The following PRKCQ variants were observed in gnomAD, a reference collection of about 807,000 sequenced individuals.
The protein encoded by PRKCQ is protein kinase C theta.
Under a neutral mutation model 91.2 loss-of-function variants are expected in PRKCQ, and 41 were observed. That is an observed-to-expected ratio of 0.45 (90% CI 0.35 to 0.58). The LOEUF is 0.58. Ranked by LOEUF, PRKCQ falls within the 20% of genes least tolerant of loss-of-function variation. The pLI, the probability that PRKCQ is intolerant of heterozygous loss-of-function variation, is 0.00. For synonymous variants in PRKCQ, 307 were observed against 316.9 expected, an observed-to-expected ratio of 0.97 and a Z score of 0.33; for missense variants, 673 against 896.5, an observed-to-expected ratio of 0.75 and a Z score of 3.18.
At chr10:6,404,255 G>GGAGGGAGAGAGAGA in the PRKCQ span, among the ~76,000 whole-genome samples, 2 of 34,360 alleles carry the variant, frequency 5.8e-5, no homozygotes, top group Non-Finnish European at 1.2e-4. Flanking sequence ...GAAGGGGGGG[G>GGAGGGAGAGAGAGA]GAGAGAGAGA....
chr10:6,436,471 A>G (rs1026309315), intron 16 of PRKCQ, among the ~76,000 whole-genome samples: 1 of 152,122 alleles, frequency 6.6e-6, no homozygotes, highest in African/African-American at 2.4e-5. Context: ...CCATTTTATC[A>G]CATGTGCAGA....
intron 1 of PRKCQ, among the ~76,000 whole-genome samples, chr10:6,575,948 G>A (rs1841216646): frequency 6.6e-6 from 1 of 152,150 alleles, no homozygotes; most frequent in Non-Finnish European, 1.5e-5. Flanking sequence ...GCTGAGGCAG[G>A]AGAATTGCTT....
chr10:6,463,991 C>T (rs1407335318), intron 13 of PRKCQ, among the ~76,000 whole-genome samples: 2 of 152,218 alleles, frequency 1.3e-5, no homozygotes, highest in Non-Finnish European at 2.9e-5. Context: ...CTGGGGACCA[C>T]CCTTGAGGTC....
chr10:6,467,555 C>A (rs973621187), intron 12 of PRKCQ, among the ~76,000 whole-genome samples: 2 of 151,940 alleles, frequency 1.3e-5, no homozygotes, highest in African/African-American at 4.8e-5. Context: ...ATGATTCTTT[C>A]CGGTGGGTGA....
the PRKCQ span, among the ~76,000 whole-genome samples, chr10:6,405,513 C>T: frequency 6.6e-6 from 1 of 152,202 alleles, no homozygotes; most frequent in Non-Finnish European, 1.5e-5. Context: ...GTTTATTACC[C>T]AGTGCTATTG....
chr10:6,561,113 G>A (rs923942666), intron 1 of PRKCQ, among the ~76,000 whole-genome samples: 2 of 151,886 alleles, frequency 1.3e-5, no homozygotes, highest in African/African-American at 2.4e-5. Context: ...GCTCATACCT[G>A]TAATCCCAGC....
At chr10:6,476,477 A>G (rs1312646944) in intron 12 of PRKCQ, among the ~76,000 whole-genome samples, 5 of 152,230 alleles carry the variant, frequency 3.3e-5, no homozygotes, top group Non-Finnish European at 7.3e-5. Context: ...TTAGTTTTTC[A>G]TTATTTTTCA....
At chr10:6,518,376 T>C (rs1024766400) in intron 1 of PRKCQ, among the ~76,000 whole-genome samples, 2 of 152,216 alleles carry the variant, frequency 1.3e-5, no homozygotes, top group African/African-American at 4.8e-5. Flanking sequence ...GCTTTGGTTC[T>C]GTGGTATTTA....
chr10:6,489,579 A>G (rs1334491342), intron 8 of PRKCQ: 9 of 447,044 alleles, frequency 2.0e-5, no homozygotes, highest in Non-Finnish European at 4.2e-5. Context: ...AGAGCTGGAG[A>G]AGAGGGCGAG....
At chr10:6,458,081 G>A (rs1835117306) in intron 14 of PRKCQ, among the ~76,000 whole-genome samples, 1 of 152,116 alleles carries the variant, frequency 6.6e-6, no homozygotes. Flanking sequence ...CCACATGTGT[G>A]CCATCGCCAT....
At chr10:6,488,935 C>G (rs61841271) in intron 8 of PRKCQ, among the ~76,000 whole-genome samples, 5,285 of 151,936 alleles carry the variant, frequency 0.035, 121 homozygotes, top group African/African-American at 0.065. Flanking sequence ...GTGCACACCA[C>G]TACACCCGAC....
At chr10:6,471,378 G>C (rs1335565426) in intron 12 of PRKCQ, among the ~76,000 whole-genome samples, 1 of 152,240 alleles carries the variant, frequency 6.6e-6, no homozygotes, top group Non-Finnish European at 1.5e-5. Context: ...CTGAGCGTCT[G>C]AATGACAAGT....
chr10:6,462,174 C>G (rs678304), intron 14 of PRKCQ, 129 bp downstream of exon 14: 348,265 of 778,836 alleles, frequency 0.45, 78,652 homozygotes, highest in Middle Eastern at 0.54. Flanking sequence ...TTGTGGGCAG[C>G]AGACCTATGT....
At chr10:6,432,816 G>A (rs1400645997) in intron 16 of PRKCQ, among the ~76,000 whole-genome samples, 1 of 152,026 alleles carries the variant, frequency 6.6e-6, no homozygotes, top group Admixed American at 6.6e-5. Context: ...TCTGCTCACC[G>A]AAAACACCAC....
In PRKCQ at chr10:6,441,971, C is replaced by T; in HGVS notation, c.1758G>A (p.Glu586=). ...TGTCCATGCGGATGGAGTGGAAGAG[C>T]TCCTCCTCATCCTGCCCGTGGAAAG... The part of the protein sequence containing the change: ...QSPFHGQDEE[E]LFHSIRMDNP... Residue 586 remains glutamate (E), a synonymous_variant, in exon 16 of 18, where the codon GAG becomes GAA. Coordinates refer to ENST00000263125, the MANE Select transcript of PRKCQ (RefSeq NM_006257.5). 6.2e-7 allele frequency: 1 copy of T among 1,614,160 alleles called. No homozygotes were observed. The highest frequency in any genetic ancestry group is 8.5e-7 in the Non-Finnish European group (1 of 1,180,026).
chr10:6,475,624 T>C (rs947079083), intron 12 of PRKCQ, among the ~76,000 whole-genome samples: 2 of 152,198 alleles, frequency 1.3e-5, no homozygotes, highest in African/African-American at 4.8e-5. Flanking sequence ...GAGAAGTACA[T>C]AGTTAATTTA....
intron 7 of PRKCQ, among the ~76,000 whole-genome samples, chr10:6,494,615 G>C (rs1014151464): frequency 6.6e-6 from 1 of 152,134 alleles, no homozygotes; most frequent in Non-Finnish European, 1.5e-5. Context: ...TCTGGTTTCT[G>C]TAACTTCATA....
At chr10:6,455,570 A>G (rs1002477498) in intron 15 of PRKCQ, among the ~76,000 whole-genome samples, 2 of 152,204 alleles carry the variant, frequency 1.3e-5, no homozygotes, top group South Asian at 2.1e-4. Flanking sequence ...ACCATCTCCA[A>G]TCACACGTTT....
At chr10:6,464,736 C>T (rs1217946861) in intron 12 of PRKCQ, among the ~76,000 whole-genome samples, 1 of 152,208 alleles carries the variant, frequency 6.6e-6, no homozygotes, top group Admixed American at 6.5e-5. Flanking sequence ...GCGTGAGCCG[C>T]CATACCCAGT....
Sources: allele counts gnomAD v4.1 joint callset (sites outside exome capture counted in the v4.1 genomes callset), GRCh38; gene constraint gnomAD v4.1.1; transcripts MANE v1.5; gene names NCBI Gene and HGNC (gene_info 2026-07-23, HGNC 2026-07-21).